HNF4G: variants seen among roughly 807,000 people sequenced by gnomAD.
The protein encoded by HNF4G is hepatocyte nuclear factor 4 gamma, also known as hepatocyte nuclear factor 4-gamma.
Under a neutral mutation model 50.9 loss-of-function variants are expected in HNF4G, and 21 were observed. The observed-to-expected ratio is 0.41, with a 90% confidence interval of 0.29 to 0.59. HNF4G has a LOEUF of 0.59. Ranked by LOEUF, HNF4G falls within the 20% of genes least tolerant of loss-of-function variation. HNF4G has a pLI of 0.26. For missense variants in HNF4G, 527 were observed against 559.4 expected, an observed-to-expected ratio of 0.94 and a Z score of 0.58; for synonymous variants, 198 against 185.6, an observed-to-expected ratio of 1.07 and a Z score of -0.54.
intron 1 of HNF4G, among the ~76,000 whole-genome samples, 194 bp downstream of exon 1, chr8:75,540,274 A>C (rs1806578007): frequency 6.6e-6 from 1 of 152,134 alleles, no homozygotes; most frequent in Admixed American, 6.6e-5. Flanking sequence ...ATTTTGTGTT[A>C]GAGGTAGAAA....
At chr8:75,529,943 C>G (rs998538460) in intron 2 of HNF4G, among the ~76,000 whole-genome samples, 1 of 152,126 alleles carries the variant, frequency 6.6e-6, no homozygotes, top group Non-Finnish European at 1.5e-5. Flanking sequence ...AGAAGAGGAG[C>G]TACCAAAATA....
chr8:75,491,890 G>A (rs1325129796), intron 2 of HNF4G, among the ~76,000 whole-genome samples: 4 of 152,190 alleles, frequency 2.6e-5, no homozygotes, highest in Non-Finnish European at 5.9e-5. Context: ...GGCCACTGTG[G>A]TTAAGAGATG....
intron 1 of HNF4G, among the ~76,000 whole-genome samples, chr8:75,484,433 A>T (rs974956897): frequency 1.3e-5 from 2 of 152,216 alleles, no homozygotes; most frequent in Non-Finnish European, 2.9e-5. Context: ...ACTCCAGTGC[A>T]CAAGGCTTCT....
At chr8:75,510,986 A>C (rs905671080) in intron 2 of HNF4G, among the ~76,000 whole-genome samples, 12 of 152,072 alleles carry the variant, frequency 7.9e-5, no homozygotes, top group Admixed American at 6.6e-5. Flanking sequence ...TTGATGCACA[A>C]AAGTTTTCTT....
At chr8:75,486,953 C>G (rs1812511902) in intron 1 of HNF4G, among the ~76,000 whole-genome samples, 1 of 152,098 alleles carries the variant, frequency 6.6e-6, no homozygotes, top group African/African-American at 2.4e-5. Flanking sequence ...AGTGAGCCGC[C>G]ATGATCACAC....
chr8:75,558,432 C>T (rs1257066234), intron 6 of HNF4G, 86 bp from the exon 7 acceptor site: 22 of 1,233,362 alleles, frequency 1.8e-5, no homozygotes, highest in Middle Eastern at 2.7e-4. Flanking sequence ...TTTTAAACAC[C>T]GGTTTGTTAA....
chr8:75,417,426 G>C (rs1585823890), intron 1 of HNF4G, among the ~76,000 whole-genome samples: 1 of 152,146 alleles, frequency 6.6e-6, no homozygotes, highest in East Asian at 1.9e-4. Context: ...ATGCTACTAA[G>C]GAAACTGAGT....
chr8:75,415,542 C>A (rs1810613600), intron 1 of HNF4G, among the ~76,000 whole-genome samples: 2 of 151,990 alleles, frequency 1.3e-5, no homozygotes, highest in Admixed American at 1.3e-4. Context: ...TTTGTGAGCA[C>A]CAATACTAAT....
chr8:75,553,343 C>T, intron 5 of HNF4G, 146 bp downstream of exon 5: 1 of 654,200 alleles, frequency 1.5e-6, no homozygotes, highest in Non-Finnish European at 2.5e-6. Flanking sequence ...GGTTTCCTTA[C>T]CCATTCACCT....
At chr8:75,501,733 T>C (rs1165712632) in intron 2 of HNF4G, among the ~76,000 whole-genome samples, 1 of 152,178 alleles carries the variant, frequency 6.6e-6, no homozygotes, top group African/African-American at 2.4e-5. Flanking sequence ...ATGGTATATA[T>C]TTATGGTATA....
At chr8:75,429,511 C>A (rs573667366) in intron 1 of HNF4G, among the ~76,000 whole-genome samples, 1 of 152,276 alleles carries the variant, frequency 6.6e-6, no homozygotes, top group African/African-American at 2.4e-5. Flanking sequence ...CCACAGGAAT[C>A]TCTGACTCTA....
At chr8:75,489,275 T>C (rs1812566030) in intron 1 of HNF4G, among the ~76,000 whole-genome samples, 1 of 152,234 alleles carries the variant, frequency 6.6e-6, no homozygotes, top group Non-Finnish European at 1.5e-5. Context: ...TTTATCTCAA[T>C]GGTTTGATGC....
At chr8:75,547,744 T>C in intron 3 of HNF4G, 63 bp downstream of exon 3, 1 of 984,784 alleles carries the variant, frequency 1.0e-6, no homozygotes. Context: ...ACACACACAT[T>C]CTCATTGATT....
At chr8:75,460,888 A>G (rs1459331862) in intron 1 of HNF4G, among the ~76,000 whole-genome samples, 1 of 152,200 alleles carries the variant, frequency 6.6e-6, no homozygotes, top group Non-Finnish European at 1.5e-5. Flanking sequence ...AGAAGAAAAC[A>G]GTCTTCACCA....
At chr8:75,471,521 T>C (rs535271851) in intron 1 of HNF4G, among the ~76,000 whole-genome samples, 46 of 152,332 alleles carry the variant, frequency 3.0e-4, no homozygotes, top group African/African-American at 1.1e-3. Context: ...TGTTAAAGTA[T>C]CTCATTTGAC....
At chr8:75,523,715 G>A (rs2943581) in intron 2 of HNF4G, among the ~76,000 whole-genome samples, 121,523 of 151,740 alleles carry the variant, frequency 0.8, 49,491 homozygotes, top group African/African-American at 0.95. Flanking sequence ...ACTTCTCCCT[G>A]CTGTATAAAA....
intron 1 of HNF4G, among the ~76,000 whole-genome samples, chr8:75,476,358 T>A (rs1285881647): frequency 6.6e-6 from 1 of 152,206 alleles, no homozygotes; most frequent in Non-Finnish European, 1.5e-5. Flanking sequence ...CTTGGGTTGA[T>A]TCCATGACTT....
At chr8:75,542,814 A>C (rs1381548565) in intron 1 of HNF4G, among the ~76,000 whole-genome samples, 1 of 152,242 alleles carries the variant, frequency 6.6e-6, no homozygotes, top group African/African-American at 2.4e-5. Flanking sequence ...GAACTTAGAT[A>C]GCAGGCTGTT....
At chr8:75,419,335 T>C (rs1585825858) in intron 1 of HNF4G, among the ~76,000 whole-genome samples, 1 of 152,334 alleles carries the variant, frequency 6.6e-6, no homozygotes, top group South Asian at 2.1e-4. Flanking sequence ...TGTATCACCT[T>C]AATTTATAAA....
Sources: allele counts gnomAD v4.1 joint callset (sites outside exome capture counted in the v4.1 genomes callset), GRCh38; gene constraint gnomAD v4.1.1; transcripts MANE v1.5; gene names NCBI Gene and HGNC (gene_info 2026-07-23, HGNC 2026-07-21).